The following TESC variants were observed in gnomAD, a reference collection of about 807,000 sequenced individuals.
TESC encodes calcineurin B homologous protein 3.
In TESC, 19 loss-of-function variants were observed where a neutral mutation model predicts 31.0. That is an observed-to-expected ratio of 0.61 (90% CI 0.43 to 0.90). TESC has a LOEUF of 0.90. Ranked by LOEUF, TESC falls within the 40% of genes least tolerant of loss-of-function variation. The pLI is 0.00. For synonymous variants in TESC, 109 were observed against 114.8 expected (o/e 0.95, Z 0.32); for missense variants, 248 against 303.8 (o/e 0.82, Z 1.36).
chr12:117,049,648 C>G (rs1954618748), intron 3 of TESC, among the ~76,000 whole-genome samples: 1 of 150,560 alleles, frequency 6.6e-6, no homozygotes, highest in African/African-American at 2.4e-5. Flanking sequence ...TGCCTCTAAT[C>G]CTAGCACTCT....
At chr12:117,091,255 G>A (rs2135803711) in intron 1 of TESC, among the ~76,000 whole-genome samples, 1 of 152,330 alleles carries the variant, frequency 6.6e-6, no homozygotes, top group East Asian at 1.9e-4. Flanking sequence ...ATGGACAAAA[G>A]AACAAAAGAG....
In TESC at chr12:117,070,045, C is replaced by T. The variant is rs117955377; in HGVS notation, c.128+5226G>A. Among the ~76,000 whole-genome samples the T allele has an allele frequency of 1.8e-4, 28 of 152,306 alleles. No homozygotes were observed. In the East Asian group the frequency reaches 3.1e-3, roughly 17 times the overall value. The stretch of plus-strand genomic sequence containing the variant: ...GCCTTCACTAGGGAACCCCAATCAA[C>T]GCCATTTTCATGTGGGGGAATGTCC... On this transcript the variant is annotated intron_variant, in intron 2 of 7. Coordinates refer to ENST00000335209, the MANE Select transcript of TESC (RefSeq NM_017899.4).
At chr12:117,061,847 C>A (rs1280878341) in intron 2 of TESC, among the ~76,000 whole-genome samples, 1 of 152,108 alleles carries the variant, frequency 6.6e-6, no homozygotes, top group East Asian at 1.9e-4. Flanking sequence ...CAGGCTCTGC[C>A]CCTTACCAGG....
intron 1 of TESC, among the ~76,000 whole-genome samples, chr12:117,092,535 G>A (rs532418111): frequency 6.6e-6 from 1 of 152,352 alleles, no homozygotes; most frequent in East Asian, 1.9e-4. Flanking sequence ...AAGGGTTCCA[G>A]AGGCTGGGGG....
intron 1 of TESC, among the ~76,000 whole-genome samples, chr12:117,082,953 C>T (rs1373674078): frequency 6.6e-6 from 1 of 151,494 alleles, no homozygotes; most frequent in East Asian, 1.9e-4. Flanking sequence ...GTTGATGAGG[C>T]TATAGAGAAA....
At chr12:117,070,431 C>CT in intron 2 of TESC, among the ~76,000 whole-genome samples, 1 of 152,264 alleles carries the variant, frequency 6.6e-6, no homozygotes, top group South Asian at 2.1e-4. Flanking sequence ...GCAGGCTGGG[C>CT]TGGGGCTGTC....
In TESC at chr12:117,041,998, G is replaced by C; in HGVS notation, c.520-4C>G. 1 of 1,593,126 alleles carries C rather than the reference G, an allele frequency of 6.3e-7. No individual in the cohort carries two copies. The highest frequency in any genetic ancestry group is 8.6e-7 in the Non-Finnish European group (1 of 1,169,418). On this transcript the variant is annotated splice_region_variant and splice_polypyrimidine_tract_variant and intron_variant, in intron 6 of 7. Coordinates refer to ENST00000335209, the MANE Select transcript of TESC (RefSeq NM_017899.4). The stretch of plus-strand genomic sequence containing the variant: ...CCTCGTACACCTGATCAGGCTCCTG[G>C]GGACGGAAGCACAGGGTGGACAGTG...
chr12:117,045,562 G>C lies in TESC; in HGVS notation c.519+997C>G, dbSNP rs991656611. On this transcript the variant is annotated intron_variant, in intron 6 of 7. Coordinates refer to ENST00000335209, the MANE Select transcript of TESC (RefSeq NM_017899.4). ...CACCCAAGCCAGAAGCTTCCCCCTG[G>C]GCTCCAGAGGCAAACAGATAAAATA... 1.9e-3 allele frequency among the ~76,000 whole-genome samples: 282 copies of C among 152,268 alleles called. 1 individual carries two copies. The highest frequency in any genetic ancestry group is 4.4e-4 in the Non-Finnish European group (30 of 68,014).
chr12:117,094,000 A>C (rs1244239072), intron 1 of TESC, among the ~76,000 whole-genome samples: 1 of 152,096 alleles, frequency 6.6e-6, no homozygotes, highest in Admixed American at 6.5e-5. Flanking sequence ...ACTCAGGTGA[A>C]TAATTCCCAA....
Position 117,048,769 on chromosome 12 carries a change from C to T in TESC, c.349+250G>A, listed in dbSNP as rs574962035. Reference sequence around the variant, plus strand: ...TCTTTGCATCAAGGGCCTTGTTTCACATCCACCGCACAACCCCCTTCTAGT... The same window carrying T: ...TCTTTGCATCAAGGGCCTTGTTTCATATCCACCGCACAACCCCCTTCTAGT... On this transcript the variant is annotated intron_variant, in intron 4 of 7. Coordinates refer to ENST00000335209, the MANE Select transcript of TESC (RefSeq NM_017899.4). The T allele has an allele frequency of 1.6e-3, 1,008 of 646,178 alleles. 14 individuals are homozygous for T. Among genetic ancestry groups the T allele is most frequent in the South Asian group, 0.014 (919 of 66,384 alleles). 40.0% of individuals were successfully genotyped at this position (646,178 alleles called of 1,614,324 possible).
intron 1 of TESC, among the ~76,000 whole-genome samples, chr12:117,076,641 G>A (rs749543355): frequency 1.3e-5 from 2 of 152,116 alleles, no homozygotes; most frequent in African/African-American, 2.4e-5. Flanking sequence ...ACGGGGTTTC[G>A]CCACGCTGGC....
chr12:117,070,013 G>A (rs571637219), intron 2 of TESC, among the ~76,000 whole-genome samples: 117 of 152,300 alleles, frequency 7.7e-4, no homozygotes, highest in African/African-American at 2.4e-3. Context: ...GTAGTGGGGT[G>A]CCAGGGGCCT....
intron 1 of TESC, chr12:117,098,717 T>A (rs1039639626): frequency 1.3e-5 from 2 of 152,356 alleles, no homozygotes; most frequent in Non-Finnish European, 2.9e-5. Context: ...TGAACCCATT[T>A]TACAGATGCG....
chr12:117,082,294 A>T (rs1168073716), intron 1 of TESC, among the ~76,000 whole-genome samples: 3 of 152,134 alleles, frequency 2.0e-5, no homozygotes, highest in Admixed American at 2.0e-4. Flanking sequence ...ACCTGAGGTC[A>T]GGAGTTCTAG....
intron 1 of TESC, among the ~76,000 whole-genome samples, chr12:117,095,128 A>G (rs1205234989): frequency 6.6e-6 from 1 of 151,894 alleles, no homozygotes; most frequent in Non-Finnish European, 1.5e-5. Context: ...AGGCTGGAGT[A>G]CAGTGGCATG....
chr12:117,075,132 C>G, intron 2 of TESC, 139 bp downstream of exon 2: 1 of 869,888 alleles, frequency 1.1e-6, no homozygotes, highest in South Asian at 1.8e-5. Context: ...GGCGACGGAG[C>G]GAGACTCCAT....
chr12:117,058,192 C>T (rs1467978345), intron 2 of TESC, among the ~76,000 whole-genome samples: 1 of 152,100 alleles, frequency 6.6e-6, no homozygotes. Flanking sequence ...TGCACTACAG[C>T]CTGGTAGACT....
At chr12:117,060,744 G>A (rs989287297) in intron 2 of TESC, among the ~76,000 whole-genome samples, 3 of 152,122 alleles carry the variant, frequency 2.0e-5, no homozygotes, top group Non-Finnish European at 4.4e-5. Context: ...GCCAGGTAGC[G>A]TACAGCCATG....
chr12:117,038,927 T>C lies in TESC; in HGVS notation c.*206A>G. On this transcript the variant is annotated 3_prime_UTR_variant, in exon 8 of 8. Coordinates refer to ENST00000335209, the MANE Select transcript of TESC (RefSeq NM_017899.4). ...GAGGAACTGACAGAGGCCACATTAA[T>C]TAACAAACCTTTTTTTTTTTTTTAT... 1 of 557,208 alleles carries C rather than the reference T, an allele frequency of 1.8e-6. No homozygotes were observed. Among genetic ancestry groups the C allele is most frequent in the Non-Finnish European group, 3.2e-6 (1 of 317,396 alleles). 34.5% of individuals were successfully genotyped at this position (557,208 alleles called of 1,614,324 possible).
Sources: allele counts gnomAD v4.1 joint callset (sites outside exome capture counted in the v4.1 genomes callset), GRCh38; gene constraint gnomAD v4.1.1; transcripts MANE v1.5; gene names NCBI Gene and HGNC (gene_info 2026-07-23, HGNC 2026-07-21).